ISL1: variants seen among roughly 807,000 people sequenced by gnomAD.
ISL1 encodes the protein ISL LIM homeobox 1, also known as insulin gene enhancer protein ISL-1.
Under a neutral mutation model 35.3 loss-of-function variants are expected in ISL1, and 4 were observed. The ratio of observed to expected loss-of-function variants is 0.11; its 90% CI spans 0.06 to 0.26. The LOEUF (loss-of-function observed/expected upper bound fraction) is 0.26, where lower values mean the gene tolerates loss of function less well. Ranked by LOEUF, ISL1 falls within the 10% of genes least tolerant of loss-of-function variation. The pLI is 1.00. For missense variants in ISL1, 340 were observed against 472.8 expected (o/e 0.72, Z 2.60); for synonymous variants, 186 against 172.3 (o/e 1.08, Z -0.62).
At position 51,389,527 on chromosome 5, in the gene ISL1, G is replaced by A. The variant is rs1193380773; in HGVS notation, c.479-119G>A. ...AGCCATTGTCCTGAGTATCTCGGGC[G>A]GGCGAGCAAGTAAGCGGGCGGGCGG... On this transcript the variant is annotated intron_variant, in intron 3 of 5. Transcript: ENST00000230658. This position sits in a 1 kb window ranked among gnomAD's most constrained non-coding sequence, Gnocchi z 5.0. The A allele has an allele frequency of 2.2e-6, 2 of 893,068 alleles. No individual in the cohort carries two copies. The highest frequency in any genetic ancestry group is 1.8e-5 in the African/African-American group (1 of 55,094). The allele number at this position is 893,068 out of a possible 1,614,324, so 55.3% of individuals were successfully genotyped here. A position where few individuals can be genotyped will look rare whatever the true frequency, so the allele number is the denominator to read the frequency against.
At position 51,384,736 on chromosome 5, in the gene ISL1, G is replaced by C; in HGVS notation, c.218+6G>C. ...TGTAAAAGAGATTATATCAGGTATG[G>C]CATTTACACTTCTTTCTTAATTTTG... On this transcript the variant is annotated splice_donor_region_variant and intron_variant, in intron 2 of 5. Transcript: ENST00000230658. The C allele has an allele frequency of 6.2e-7, 1 of 1,609,030 alleles. No homozygotes were observed. Among genetic ancestry groups the C allele is most frequent in the Non-Finnish European group, 8.5e-7 (1 of 1,175,404 alleles).
Position 51,389,589 on chromosome 5 carries a change from G to T in ISL1, c.479-57G>T. 7.1e-7 allele frequency: 1 copy of T among 1,411,868 alleles called. No homozygotes were observed. The allele number at this position is 1,411,868 out of a possible 1,614,324, so 87.5% of individuals were successfully genotyped here. On this transcript the variant is annotated intron_variant, in intron 3 of 5. Coordinates refer to ENST00000230658, the MANE Select transcript of ISL1 (RefSeq NM_002202.3). This position sits in a 1 kb window ranked among gnomAD's most constrained non-coding sequence, Gnocchi z 5.0. The stretch of plus-strand genomic sequence containing the variant: ...AGCGAGCGAGCGAGCGCGCGACCGC[G>T]GGCGGGCCGGCAAGCGAGCCTCCAG...
At position 51,387,070 on chromosome 5, in the gene ISL1, G is replaced by T. The variant is rs1361221713; in HGVS notation, c.219-420G>T. On this transcript the variant is annotated intron_variant, in intron 2 of 5. Coordinates refer to ENST00000230658, the MANE Select transcript of ISL1 (RefSeq NM_002202.3). The surrounding 1 kb of genome is among the most constrained non-coding windows in gnomAD (Gnocchi z 4.3). ...GGAAGTGAAAGTGTTGGTGTCGGTG[G>T]CCACCAGAGTCTTTCTGGATTCCTT... is the stretch of plus-strand genomic sequence containing the variant. Among the ~76,000 whole-genome samples the T allele has an allele frequency of 6.6e-6, 1 of 152,078 alleles. No individual in the cohort carries two copies. The highest frequency in any genetic ancestry group is 6.5e-5 in the Admixed American group (1 of 15,274).
At chr5:51,384,473 C>A in intron 1 of ISL1, 68 bp from the exon 2 acceptor site, 2 of 1,408,862 alleles carry the variant, frequency 1.4e-6, no homozygotes, top group Non-Finnish European at 2.0e-6. Context: ...AAGAGAACGA[C>A]ACTAAAAGTG....
intron 1 of ISL1, 144 bp from the exon 2 acceptor site, chr5:51,384,397 A>G: frequency 4.4e-6 from 3 of 679,436 alleles, no homozygotes; most frequent in Non-Finnish European, 7.4e-6. Context: ...CCAAAGTGCA[A>G]TGCTCTAAAA....
chr5:51,386,376 C>CTGTGTGTGTGTG (rs3138746), intron 2 of ISL1: 145 of 262,768 alleles, frequency 5.5e-4, no homozygotes, highest in African/African-American at 2.6e-3. Flanking sequence ...TCTCTCAACT[C>CTGTGTGTGTGTG]TGTGTGTGTG....
In ISL1 at chr5:51,391,262, G is replaced by A. The variant is rs1747506809; in HGVS notation, c.766-12G>A. On this transcript the variant is annotated splice_polypyrimidine_tract_variant and intron_variant, in intron 4 of 5. Coordinates refer to ENST00000230658, the MANE Select transcript of ISL1 (RefSeq NM_002202.3). ...TTAACATGTTGGGATTGGTTGGGGGGCCTATTCACAGAATATCCAGGGGAT... is the reference window on the plus strand; with the variant it reads ...TTAACATGTTGGGATTGGTTGGGGGACCTATTCACAGAATATCCAGGGGAT... The A allele has an allele frequency of 6.2e-7, 1 of 1,611,852 alleles. No homozygotes were observed. Among genetic ancestry groups the A allele is most frequent in the South Asian group, 1.1e-5 (1 of 90,934 alleles).
At chr5:51,390,159 G>GAAA (rs1221411161) in intron 4 of ISL1, among the ~76,000 whole-genome samples, 9 of 152,272 alleles carry the variant, frequency 5.9e-5, no homozygotes, top group Admixed American at 1.3e-4. Flanking sequence ...GTGCGCCGGG[G>GAAA]GAGCAGCATC....
chr5:51,390,749 TG>T lies in ISL1; in HGVS notation c.766-522del, dbSNP rs1384759182. On this transcript the variant is annotated intron_variant, in intron 4 of 5. Transcript: ENST00000230658. ...TTAAACTTGGCAGGCTGGCCAAGAT[TG>T]GGCCAGGGCACTTTCTGAGTTGGTT... is the stretch of plus-strand genomic sequence containing the variant. Among the ~76,000 whole-genome samples the T allele has an allele frequency of 1.4e-4, 20 of 143,566 alleles. No homozygotes were observed. The Admixed American group carries it at 1.4e-3, about 10-fold the overall frequency. 94.2% of individuals were successfully genotyped at this position (143,566 alleles called of 152,430 possible). A position where few individuals can be genotyped will look rare whatever the true frequency, so the allele number is the denominator to read the frequency against.
intron 2 of ISL1, chr5:51,386,707 A>G: frequency 2.2e-6 from 1 of 444,878 alleles, no homozygotes; most frequent in Non-Finnish European, 4.5e-6. Context: ...TTTCAAGAAA[A>G]TTGAAATGAG....
intron 5 of ISL1, among the ~76,000 whole-genome samples, chr5:51,393,182 G>T (rs544937187): frequency 6.6e-6 from 1 of 152,294 alleles, no homozygotes; most frequent in East Asian, 1.9e-4. Context: ...TTTCGAGCAT[G>T]CATAGTAGAG....
intron 2 of ISL1, chr5:51,386,231 G>A (rs3792733): frequency 0.24 from 37,949 of 159,532 alleles, 4,718 homozygotes; most frequent in African/African-American, 0.27. Context: ...TTCTAGAGAA[G>A]GAGAGCCCAC....
At position 51,389,134 on chromosome 5, in the gene ISL1, G is replaced by C. The variant is rs1363045228; in HGVS notation, c.479-512G>C. On this transcript the variant is annotated intron_variant, in intron 3 of 5. Transcript: ENST00000230658. The surrounding 1 kb of genome is among the most constrained non-coding windows in gnomAD (Gnocchi z 5.0). ...CCCTGCTGGTGTAGTATTTATGGCT[G>C]TCACTGAAGTGCTCTGCGTTCCTTT... Among the ~76,000 whole-genome samples, 2 of 152,136 alleles carry C rather than the reference G, an allele frequency of 1.3e-5. No individual in the cohort carries two copies. The highest frequency in any genetic ancestry group is 4.8e-5 in the African/African-American group (2 of 41,448).
Position 51,389,223 on chromosome 5 carries a change from A to G in ISL1, c.479-423A>G, listed in dbSNP as rs142915821. Among the ~76,000 whole-genome samples, 392 of 152,116 alleles carry G rather than the reference A, an allele frequency of 2.6e-3. 1 individual carries two copies. The highest frequency in any genetic ancestry group is 8.7e-3 in the African/African-American group (362 of 41,518). On this transcript the variant is annotated intron_variant, in intron 3 of 5. Coordinates refer to ENST00000230658, the MANE Select transcript of ISL1 (RefSeq NM_002202.3). The surrounding 1 kb of genome is among the most constrained non-coding windows in gnomAD (Gnocchi z 5.0). ...CTGATCCTGGAGAGGGTGGTAATCAATGTAACTGGGGCCCAGTCTGGGCAC... is the reference window on the plus strand; with the variant it reads ...CTGATCCTGGAGAGGGTGGTAATCAGTGTAACTGGGGCCCAGTCTGGGCAC...
chr5:51,387,846 G>T lies in ISL1; in HGVS notation c.478+97G>T, dbSNP rs1017374447. The T allele has an allele frequency of 2.1e-5, 31 of 1,484,228 alleles. No individual in the cohort carries two copies. The highest frequency in any genetic ancestry group is 2.5e-5 in the Non-Finnish European group (27 of 1,087,414). The allele number at this position is 1,484,228 out of a possible 1,614,324, so 91.9% of individuals were successfully genotyped here. ...TATGGTAGCTACAGGGGTGGTCGTA[G>T]TGTTTGCCTGCAGTTAAATGAAGTG... On this transcript the variant is annotated intron_variant, in intron 3 of 5. Transcript: ENST00000230658. The surrounding 1 kb of genome is among the most constrained non-coding windows in gnomAD (Gnocchi z 4.3).
rs767942005 is a variant in ISL1, at chr5:51,389,035, C to G, written c.479-611C>G. 1.1e-4 allele frequency among the ~76,000 whole-genome samples: 16 copies of G among 152,180 alleles called. No individual in the cohort carries two copies. Among genetic ancestry groups the G allele is most frequent in the Non-Finnish European group, 2.2e-4 (15 of 68,046 alleles). ...CAGAAATAGCGAATCTCTTCAGCCC[C>G]TTCACATGACTGTCCTCTCGGACTG... On this transcript the variant is annotated intron_variant, in intron 3 of 5. Coordinates refer to ENST00000230658, the MANE Select transcript of ISL1 (RefSeq NM_002202.3). This position sits in a 1 kb window ranked among gnomAD's most constrained non-coding sequence, Gnocchi z 5.0.
At chr5:51,386,607 C>T (rs1207364970) in intron 2 of ISL1, 1 of 455,990 alleles carries the variant, frequency 2.2e-6, no homozygotes. Context: ...CTAGATGGAA[C>T]CTATAAAGAT....
rs751441737 is a variant in ISL1 at position 51,391,377 on chromosome 5, C to T, written c.869C>T (p.Pro290Leu). 34 of 1,614,188 alleles carry T rather than the reference C, an allele frequency of 2.1e-5. No homozygotes were observed. Among genetic ancestry groups the T allele is most frequent in the Non-Finnish European group, 2.8e-5 (33 of 1,180,050 alleles). Residue 290 changes from proline (P) to leucine (L), a missense_variant, in exon 5 of 6, where the codon CCT becomes CTT. Physicochemically the swap from Pro to Leu is moderately conservative, Grantham distance 98 (BLOSUM62 -3). Around this residue, in one of 7 missense-constraint regions of ISL1, gnomAD observed 104 missense variants for 97.3 expected, o/e 1.07. Transcript: ENST00000230658. The part of the protein sequence containing the change: ...NPVEVQSYQP[P>L]WKVLSDFALQ... ...GTGGAAGTACAAAGTTACCAGCCAC[C>T]TTGGAAAGTACTGAGCGACTTCGCC...
Position 51,387,812 on chromosome 5 carries a change from C to T in ISL1, c.478+63C>T. The stretch of plus-strand genomic sequence containing the variant: ...TTAAGCCAGCCTGTGTGCCAGCGGC[C>T]ACAACAACTATGGTAGCTACAGGGG... On this transcript the variant is annotated intron_variant, in intron 3 of 5. Transcript: ENST00000230658. The surrounding 1 kb of genome is among the most constrained non-coding windows in gnomAD (Gnocchi z 4.3). The T allele has an allele frequency of 6.3e-7, 1 of 1,599,302 alleles. No homozygotes were observed. Among genetic ancestry groups the T allele is most frequent in the Non-Finnish European group, 8.5e-7 (1 of 1,172,640 alleles).
Sources: allele counts gnomAD v4.1 joint callset (sites outside exome capture counted in the v4.1 genomes callset), GRCh38; gene constraint gnomAD v4.1.1; regional missense constraint gnomAD v4.1.1; non-coding constraint Gnocchi (gnomAD v3.1); transcripts MANE v1.5; gene names NCBI Gene and HGNC (gene_info 2026-07-23, HGNC 2026-07-21).